GRIN2A: variants seen among roughly 807,000 people sequenced by gnomAD.
The protein encoded by GRIN2A is glutamate receptor ionotropic, NMDA 2A.
GRIN2A carries 22 observed loss-of-function variants against 113.4 expected under a neutral mutation model. The ratio of observed to expected loss-of-function variants is 0.19; its 90% CI spans 0.14 to 0.28. The LOEUF (loss-of-function observed/expected upper bound fraction) is 0.28, where lower values mean the gene tolerates loss of function less well. GRIN2A is among the 10% of genes least tolerant of loss of function. The pLI is 1.00. For synonymous variants in GRIN2A, 827 were observed against 738.4 expected, an observed-to-expected ratio of 1.12 and a Z score of -1.94; for missense variants, 1,502 against 1,887.0, an observed-to-expected ratio of 0.80 and a Z score of 3.78.
At chr16:10,003,543 T>G (rs1179974962) in intron 2 of GRIN2A, among the ~76,000 whole-genome samples, 2 of 152,200 alleles carry the variant, frequency 1.3e-5, no homozygotes, top group Non-Finnish European at 2.9e-5. Context: ...AAGAACACAG[T>G]GGGAGTATAC....
intron 2 of GRIN2A, chr16:10,111,786 C>T (rs755606887): frequency 8.5e-5 from 123 of 1,450,724 alleles, no homozygotes; most frequent in Admixed American, 2.5e-4. Context: ...AGGCCAAGAT[C>T]CGGCATGGCT....
At chr16:9,961,959 A>G (rs927358726) in intron 2 of GRIN2A, among the ~76,000 whole-genome samples, 2 of 152,190 alleles carry the variant, frequency 1.3e-5, no homozygotes, top group East Asian at 1.9e-4. Flanking sequence ...ATAATACCAC[A>G]TATCTACAAC....
intron 8 of GRIN2A, among the ~76,000 whole-genome samples, chr16:9,830,480 CAAAAA>C (rs71400501): frequency 6.8e-5 from 5 of 73,066 alleles, no homozygotes; most frequent in African/African-American, 1.3e-4. Flanking sequence ...TCTGCATGGG[CAAAAA>C]AAAAAAAAAA....
At chr16:9,840,481 C>A (rs957761715) in intron 7 of GRIN2A, among the ~76,000 whole-genome samples, 166 bp downstream of exon 7, 18 of 152,000 alleles carry the variant, frequency 1.2e-4, no homozygotes, top group African/African-American at 3.9e-4. Context: ...GGTGGGGACC[C>A]AAAGCCTAAC....
chr16:10,041,761 C>T lies in GRIN2A; in HGVS notation c.415-103210G>A, dbSNP rs2047170307. Among the ~76,000 whole-genome samples, 2 of 152,178 alleles carry T rather than the reference C, an allele frequency of 1.3e-5. 1 individual carries two copies. The highest frequency in any genetic ancestry group is 4.1e-4 in the South Asian group (2 of 4,828). On this transcript the variant is annotated intron_variant, in intron 2 of 12. Transcript: ENST00000330684. The stretch of plus-strand genomic sequence containing the variant: ...ACCATGCTTTTGACCAACCCAGATA[C>T]CCATCCTTGAGTGTATAAATCCAAC...
At position 9,989,995 on chromosome 16, in the gene GRIN2A, A is replaced by T. The variant is rs150079675; in HGVS notation, c.415-51444T>A. Among the ~76,000 whole-genome samples, 819 of 152,340 alleles carry T rather than the reference A, an allele frequency of 5.4e-3. 12 individuals are homozygous for T. The highest frequency in any genetic ancestry group is 0.018 in the African/African-American group (756 of 41,578). On this transcript the variant is annotated intron_variant, in intron 2 of 12. Coordinates refer to ENST00000330684, the MANE Select transcript of GRIN2A (RefSeq NM_001134407.3). ...TTGGAGATTTCTCAAAGAACTAAAA[A>T]TAGAATTACCATTCTACCCAGCAAT... is the stretch of plus-strand genomic sequence containing the variant.
At chr16:10,111,453 C>T in intron 2 of GRIN2A, 1 of 589,896 alleles carries the variant, frequency 1.7e-6, no homozygotes, top group Non-Finnish European at 3.1e-6. Flanking sequence ...AGCAGCTCTT[C>T]CTCGGCGCCA....
At chr16:9,928,322 T>C (rs1168744204) in intron 3 of GRIN2A, among the ~76,000 whole-genome samples, 1 of 152,148 alleles carries the variant, frequency 6.6e-6, no homozygotes, top group Non-Finnish European at 1.5e-5. Flanking sequence ...TTGGCCTATA[T>C]ATAGATAGAG....
At chr16:10,075,462 T>C (rs934090881) in intron 2 of GRIN2A, among the ~76,000 whole-genome samples, 4 of 151,998 alleles carry the variant, frequency 2.6e-5, no homozygotes, top group African/African-American at 7.3e-5. Context: ...TGGAGAGTGA[T>C]TGCAAGTAAG....
At chr16:10,046,568 C>CAA (rs2047262857) in intron 2 of GRIN2A, among the ~76,000 whole-genome samples, 1 of 152,128 alleles carries the variant, frequency 6.6e-6, no homozygotes, top group South Asian at 2.1e-4. Flanking sequence ...CATCACCTTT[C>CAA]AATGCATCCC....
chr16:10,129,606 G>A (rs571733495), intron 2 of GRIN2A, among the ~76,000 whole-genome samples: 2 of 152,260 alleles, frequency 1.3e-5, no homozygotes, highest in East Asian at 3.9e-4. Flanking sequence ...CAAGTGCAAA[G>A]GTGAGTGTGA....
intron 2 of GRIN2A, among the ~76,000 whole-genome samples, chr16:10,141,423 G>A (rs756189744): frequency 6.6e-6 from 1 of 152,178 alleles, no homozygotes; most frequent in Non-Finnish European, 1.5e-5. Flanking sequence ...GGGAGGCAGA[G>A]GTTGCAGTGA....
chr16:10,017,896 T>G (rs1843148894), intron 2 of GRIN2A, among the ~76,000 whole-genome samples: 1 of 152,224 alleles, frequency 6.6e-6, no homozygotes. Context: ...GTCTCAGCCC[T>G]GCTGGATCCT....
At chr16:10,129,195 C>T (rs1331245934) in intron 2 of GRIN2A, among the ~76,000 whole-genome samples, 1 of 152,086 alleles carries the variant, frequency 6.6e-6, no homozygotes, top group African/African-American at 2.4e-5. Flanking sequence ...CCTACCTCAG[C>T]TTCCTATGTA....
At chr16:10,082,682 A>G (rs2048007246) in intron 2 of GRIN2A, among the ~76,000 whole-genome samples, 1 of 152,208 alleles carries the variant, frequency 6.6e-6, no homozygotes, top group African/African-American at 2.4e-5. Context: ...TTGAAGAAGG[A>G]GGCCTCTTTG....
intron 4 of GRIN2A, among the ~76,000 whole-genome samples, chr16:9,873,953 T>C (rs1199655335): frequency 5.9e-5 from 9 of 152,366 alleles, no homozygotes; most frequent in African/African-American, 2.2e-4. Flanking sequence ...TGTTTCAATG[T>C]TAAAGTTAAA....
intron 11 of GRIN2A, among the ~76,000 whole-genome samples, chr16:9,774,908 C>T (rs1168320756): frequency 6.6e-6 from 1 of 152,150 alleles, no homozygotes; most frequent in African/African-American, 2.4e-5. Context: ...TCTATGATTC[C>T]AAGAACGCAA....
chr16:10,043,463 C>CT (rs2047201469), intron 2 of GRIN2A, among the ~76,000 whole-genome samples: 1 of 152,152 alleles, frequency 6.6e-6, no homozygotes, highest in South Asian at 2.1e-4. Flanking sequence ...TTTTGTGGAG[C>CT]TAAACATTAT....
intron 2 of GRIN2A, among the ~76,000 whole-genome samples, chr16:9,961,178 A>G (rs142475455): frequency 1.3e-5 from 2 of 152,322 alleles, no homozygotes; most frequent in East Asian, 3.9e-4. Flanking sequence ...TCAACCATGT[A>G]CCAAGAACTA....
Sources: allele counts gnomAD v4.1 joint callset (sites outside exome capture counted in the v4.1 genomes callset), GRCh38; gene constraint gnomAD v4.1.1; transcripts MANE v1.5; gene names NCBI Gene and HGNC (gene_info 2026-07-23, HGNC 2026-07-21).